The following PCDHA10 variants were observed in gnomAD, a reference collection of about 807,000 sequenced individuals.
PCDHA10 encodes the protein protocadherin alpha-10.
In PCDHA10, 45 loss-of-function variants were observed where a neutral mutation model predicts 61.2. That is an observed-to-expected ratio of 0.74 (90% CI 0.58 to 0.94). The LOEUF is 0.94. Among genes scored for constraint, PCDHA10 ranks in the 40% least tolerant of loss-of-function variants. The probability of loss-of-function intolerance (pLI) is 0.00; values close to 1 mark genes in which losing one functional copy is unlikely to be tolerated. For missense variants in PCDHA10, 1,278 were observed against 1,236.2 expected (o/e 1.03, Z -0.51); for synonymous variants, 602 against 548.8 (o/e 1.10, Z -1.35).
At chr5:140,893,510 G>A (rs1554185640) in intron 1 of PCDHA10, among the ~76,000 whole-genome samples, 1 of 152,148 alleles carries the variant, frequency 6.6e-6, no homozygotes, top group African/African-American at 2.4e-5. Flanking sequence ...AAAAAAAGCA[G>A]TTGTAGAACT....
At chr5:140,959,414 C>T (rs1408668310) in intron 1 of PCDHA10, among the ~76,000 whole-genome samples, 3 of 151,996 alleles carry the variant, frequency 2.0e-5, no homozygotes, top group African/African-American at 7.2e-5. Context: ...GTTGATTGAT[C>T]TGAGAATTTG....
chr5:140,876,585 G>T, intron 1 of PCDHA10: 5 of 1,614,202 alleles, frequency 3.1e-6, no homozygotes, highest in Non-Finnish European at 4.2e-6. Context: ...TCATTGCCCT[G>T]ATTAGCGTGT....
At chr5:140,937,323 C>T (rs1350536354) in intron 1 of PCDHA10, among the ~76,000 whole-genome samples, 3 of 152,120 alleles carry the variant, frequency 2.0e-5, no homozygotes, top group African/African-American at 7.2e-5. Flanking sequence ...AGGCGTGAGC[C>T]ACCGCGCCCG....
At chr5:140,964,658 G>T (rs2095846855) in intron 1 of PCDHA10, among the ~76,000 whole-genome samples, 1 of 151,968 alleles carries the variant, frequency 6.6e-6, no homozygotes, top group Admixed American at 6.6e-5. Context: ...AATGGGTGAG[G>T]ACACAGGCCA....
At position 140,929,057 on chromosome 5, in the gene PCDHA10, C is replaced by G. The variant is rs17844370; in HGVS notation, c.2389-49892C>G. The stretch of plus-strand genomic sequence containing the variant: ...TGCGCTCAGAGCTGCTGTCGCTCTA[C>G]AGAGGATCTGAGGTATGGAAGTAAG... On this transcript the variant is annotated intron_variant, in intron 1 of 3. Coordinates refer to ENST00000307360, the MANE Select transcript of PCDHA10 (RefSeq NM_018901.4). 3 of 1,614,070 alleles carry G rather than the reference C, an allele frequency of 1.9e-6. No individual in the cohort carries two copies. The African/African-American group carries it at 4.0e-5, about 22-fold the overall frequency.
At chr5:140,966,528 G>C in intron 1 of PCDHA10, 1 of 446,634 alleles carries the variant, frequency 2.2e-6, no homozygotes, top group Non-Finnish European at 3.9e-6. Context: ...AGCCGAGCCG[G>C]GTTGAGCGAC....
At chr5:140,966,425 G>A in intron 1 of PCDHA10, 1 of 421,678 alleles carries the variant, frequency 2.4e-6, no homozygotes, top group South Asian at 9.9e-5. Flanking sequence ...GACTTGCTGA[G>A]CCCTCCTACC....
At chr5:140,991,452 C>T (rs1162146299) in intron 3 of PCDHA10, among the ~76,000 whole-genome samples, 3 of 152,184 alleles carry the variant, frequency 2.0e-5, no homozygotes, top group African/African-American at 7.2e-5. Context: ...TAAAACAACA[C>T]AATGTATTAT....
At chr5:140,968,947 C>T (rs1342316299) in intron 1 of PCDHA10, 6 of 1,614,042 alleles carry the variant, frequency 3.7e-6, no homozygotes, top group Non-Finnish European at 5.1e-6. Context: ...TCATTTTGAG[C>T]ATCATCAAGT....
intron 1 of PCDHA10, chr5:140,881,303 C>G (rs2058657354): frequency 2.1e-6 from 2 of 962,486 alleles, no homozygotes; most frequent in African/African-American, 1.8e-5. Flanking sequence ...GAAACTTTAA[C>G]CTCCTGGTTA....
chr5:140,967,727 G>A, intron 1 of PCDHA10: 1 of 1,614,148 alleles, frequency 6.2e-7, no homozygotes. Context: ...GCGAGTAATT[G>A]GGGGGCTGGA....
chr5:140,872,354 A>G (rs2053612951), intron 1 of PCDHA10, among the ~76,000 whole-genome samples: 1 of 152,138 alleles, frequency 6.6e-6, no homozygotes, highest in Non-Finnish European at 1.5e-5. Context: ...TTGCCAGGCA[A>G]AGTGGTTCAG....
chr5:140,954,046 G>C (rs1554221229), intron 1 of PCDHA10, among the ~76,000 whole-genome samples: 1 of 152,124 alleles, frequency 6.6e-6, no homozygotes, highest in African/African-American at 2.4e-5. Context: ...TTGGTTTTCT[G>C]TTCCTGCATT....
At chr5:140,926,692 C>T in intron 1 of PCDHA10, 1 of 737,896 alleles carries the variant, frequency 1.4e-6, no homozygotes, top group Non-Finnish European at 2.0e-6. Context: ...CCTAGCAAGC[C>T]CGGCTCCCAG....
At chr5:140,975,343 A>G (rs997568363) in intron 1 of PCDHA10, among the ~76,000 whole-genome samples, 1 of 152,224 alleles carries the variant, frequency 6.6e-6, no homozygotes, top group Middle Eastern at 3.2e-3. Context: ...TCCCTTTCTT[A>G]AAGCCAACTG....
chr5:140,990,838 A>C (rs2097419271), intron 3 of PCDHA10, among the ~76,000 whole-genome samples: 1 of 152,222 alleles, frequency 6.6e-6, no homozygotes, highest in Admixed American at 6.5e-5. Flanking sequence ...CCTATTAGCA[A>C]AAATAGAGCC....
At chr5:140,894,446 T>TA (rs2064476840) in intron 1 of PCDHA10, among the ~76,000 whole-genome samples, 2 of 152,118 alleles carry the variant, frequency 1.3e-5, no homozygotes, top group East Asian at 3.9e-4. Flanking sequence ...AGCTCTTTTT[T>TA]AAAAAATATT....
rs569740487 is a variant in PCDHA10, at chr5:140,970,470, G to A, written c.2389-8479G>A. On this transcript the variant is annotated intron_variant, in intron 1 of 3. Transcript: ENST00000307360. Reference sequence around the variant, plus strand: ...AGTTTTGAGATTTAAGTAGGTATAAGGCCAGCTTGTTCATTATTATGAAGA... The same window carrying A: ...AGTTTTGAGATTTAAGTAGGTATAAAGCCAGCTTGTTCATTATTATGAAGA... Among the ~76,000 whole-genome samples the A allele has an allele frequency of 2.6e-5, 4 of 152,238 alleles. No homozygotes were observed. In the South Asian group the frequency reaches 8.3e-4, roughly 32 times the overall value.
chr5:140,997,077 G>T (rs1201538953), intron 3 of PCDHA10, among the ~76,000 whole-genome samples: 3 of 152,062 alleles, frequency 2.0e-5, no homozygotes, highest in Admixed American at 2.0e-4. Flanking sequence ...CAGGAAAGTT[G>T]AGTAGAAAGT....
Sources: allele counts gnomAD v4.1 joint callset (sites outside exome capture counted in the v4.1 genomes callset), GRCh38; gene constraint gnomAD v4.1.1; transcripts MANE v1.5; gene names NCBI Gene and HGNC (gene_info 2026-07-23, HGNC 2026-07-21).